The following CREM variants were observed in gnomAD, a reference collection of about 807,000 sequenced individuals.
CREM encodes cAMP responsive element modulator, also known as cAMP-responsive element modulator.
Under a neutral mutation model 37.3 loss-of-function variants are expected in CREM, and 13 were observed. That is an observed-to-expected ratio of 0.35 (90% CI 0.23 to 0.55). The LOEUF is 0.55. Among genes scored for constraint, CREM ranks in the 20% least tolerant of loss-of-function variants. The pLI, the probability that CREM is intolerant of heterozygous loss-of-function variation, is 0.88. For missense variants in CREM, 296 were observed against 362.3 expected (o/e 0.82, Z 1.49); for synonymous variants, 124 against 120.2 (o/e 1.03, Z -0.21).
At chr10:35,150,886 A>G (rs1438262000) in intron 3 of CREM, among the ~76,000 whole-genome samples, 2 of 140,356 alleles carry the variant, frequency 1.4e-5, no homozygotes, top group African/African-American at 5.4e-5. Context: ...TAGGTTTCTG[A>G]GGGCTTGAAA....
chr10:35,186,991 T>TAAA (rs2094598258), intron 5 of CREM, among the ~76,000 whole-genome samples: 7 of 89,012 alleles, frequency 7.9e-5, no homozygotes, highest in Non-Finnish European at 9.8e-5. Context: ...GTGATATATA[T>TAAA]TATATATTAT....
At chr10:35,151,223 C>T (rs1005301098) in intron 3 of CREM, among the ~76,000 whole-genome samples, 10 of 152,146 alleles carry the variant, frequency 6.6e-5, no homozygotes, top group African/African-American at 2.2e-4. Flanking sequence ...GTTTGTAATG[C>T]TTCTTTAAAA....
intron 3 of CREM, among the ~76,000 whole-genome samples, chr10:35,156,349 A>G (rs1268286350): frequency 2.0e-5 from 3 of 151,910 alleles, no homozygotes; most frequent in African/African-American, 4.8e-5. Context: ...CCTGGGCTCA[A>G]GTGATACTCC....
intron 2 of CREM, among the ~76,000 whole-genome samples, chr10:35,140,680 CAAAAG>C (rs1047615387): frequency 6.6e-6 from 1 of 152,104 alleles, no homozygotes; most frequent in African/African-American, 2.4e-5. Context: ...TTTGGGAACT[CAAAAG>C]AGAATAACTA....
intron 3 of CREM, among the ~76,000 whole-genome samples, chr10:35,165,602 G>A (rs779716532): frequency 7.2e-5 from 11 of 152,048 alleles, no homozygotes; most frequent in Admixed American, 1.3e-4. Flanking sequence ...ATTATGATCA[G>A]TTTCAGTCTT....
chr10:35,150,637 C>G (rs2092529920), intron 3 of CREM, among the ~76,000 whole-genome samples: 2 of 152,052 alleles, frequency 1.3e-5, no homozygotes, highest in Admixed American at 1.3e-4. Flanking sequence ...GCCTGGCCAA[C>G]ATGAAGAAAC....
intron 3 of CREM, among the ~76,000 whole-genome samples, chr10:35,163,974 CAA>C (rs758523194): frequency 1.8e-5 from 2 of 110,728 alleles, no homozygotes; most frequent in Admixed American, 9.5e-5. Context: ...GAACCTATCT[CAA>C]AAAAAAAAAA....
At chr10:35,134,383 C>T (rs2090063879) in intron 1 of CREM, among the ~76,000 whole-genome samples, 2 of 152,082 alleles carry the variant, frequency 1.3e-5, no homozygotes, top group African/African-American at 4.8e-5. Flanking sequence ...CGCCTGGCTA[C>T]TTTTTGTATT....
intron 6 of CREM, among the ~76,000 whole-genome samples, chr10:35,190,045 C>T (rs2094844370): frequency 6.6e-6 from 1 of 152,132 alleles, no homozygotes. Flanking sequence ...CTATTCCCCC[C>T]ATACTCATGG....
At chr10:35,185,265 G>T (rs940886833) in intron 5 of CREM, among the ~76,000 whole-genome samples, 19 of 152,034 alleles carry the variant, frequency 1.2e-4, no homozygotes, top group Non-Finnish European at 1.6e-4. Context: ...ACCACGCCTG[G>T]CTAATTTCTT....
At chr10:35,175,304 A>G (rs1018018943) in intron 3 of CREM, among the ~76,000 whole-genome samples, 10 of 152,150 alleles carry the variant, frequency 6.6e-5, no homozygotes, top group East Asian at 1.9e-4. Flanking sequence ...CAATTAGCTG[A>G]GCGTGGTGGC....
chr10:35,194,112 A>AAAAAAAAAAAAT (rs1306664939), intron 6 of CREM, among the ~76,000 whole-genome samples: 5 of 149,760 alleles, frequency 3.3e-5, no homozygotes, highest in Non-Finnish European at 3.0e-5. Context: ...AAAAAAAAAA[A>AAAAAAAAAAAAT]AAAAAAAAAA....
chr10:35,197,411 TTTTACTTTATTTA>T (rs894184564), intron 6 of CREM, among the ~76,000 whole-genome samples: 8 of 148,646 alleles, frequency 5.4e-5, no homozygotes, highest in African/African-American at 2.0e-4. Flanking sequence ...TTTTATTTCA[TTTTACTTTATTTA>T]TTTATTTATT....
intron 1 of CREM, 73 bp from the exon 2 acceptor site, chr10:35,137,709 A>T (rs2090782429): frequency 5.0e-6 from 3 of 600,338 alleles, no homozygotes; most frequent in Admixed American, 8.1e-5. Context: ...TTTAATTTAA[A>T]TAAAATTTAA....
At chr10:35,197,412 TTTAC>T (rs1242526591) in intron 6 of CREM, among the ~76,000 whole-genome samples, 2 of 147,364 alleles carry the variant, frequency 1.4e-5, no homozygotes, top group African/African-American at 4.9e-5. Context: ...TTTATTTCAT[TTTAC>T]TTTATTTATT....
chr10:35,176,396 C>CT (rs1054369045), intron 3 of CREM, among the ~76,000 whole-genome samples: 8 of 145,106 alleles, frequency 5.5e-5, no homozygotes, highest in South Asian at 2.2e-4. Context: ...ATGCTGTTTT[C>CT]TTTTTTTTTC....
intron 7 of CREM, among the ~76,000 whole-genome samples, chr10:35,208,888 A>T (rs1190143079): frequency 6.6e-6 from 1 of 152,256 alleles, no homozygotes; most frequent in Non-Finnish European, 1.5e-5. Flanking sequence ...AGAAATGCAG[A>T]TGATACCTGG....
Position 35,137,883 on chromosome 10 carries a change from G to GCT in CREM, c.44+4_44+5insCT. 2 of 1,581,810 alleles carry GCT rather than the reference G, an allele frequency of 1.3e-6. No individual in the cohort carries two copies. The highest frequency in any genetic ancestry group is 1.7e-6 in the Non-Finnish European group (2 of 1,163,994). ...AATATATTAAGACAAATCCAAGGTA[G>GCT]GTAGATGTACGTTTTTCTGTTCTTT... On this transcript the variant is annotated splice_donor_region_variant and intron_variant, in intron 2 of 7. Coordinates refer to ENST00000685392, the MANE Select transcript of CREM (RefSeq NM_183011.2).
In CREM at chr10:35,206,966, G is replaced by C; in HGVS notation, c.670G>C (p.Ala224Pro). 6.2e-7 allele frequency: 1 copy of C among 1,614,050 alleles called. No homozygotes were observed. The highest frequency in any genetic ancestry group is 8.5e-7 in the Non-Finnish European group (1 of 1,180,026). The change falls in exon 7 of 8, where the codon GCT becomes CCT. Residue 224 changes from alanine (A) to proline (P), a missense_variant. Physicochemically the swap from Ala to Pro is conservative, Grantham distance 27 (BLOSUM62 -1). This residue lies in a region of CREM where 257 missense variants were observed against 280.2 expected (regional missense o/e 0.92). Coordinates refer to ENST00000685392, the MANE Select transcript of CREM (RefSeq NM_183011.2). ...TGCTTTGCCACAGGGAGTGGTGATG[G>C]CTGCATCGCCCGGAAGTTTGCACAG... ...TAALPQGVVM[A>P]ASPGSLHSPQ...
Sources: allele counts gnomAD v4.1 joint callset (sites outside exome capture counted in the v4.1 genomes callset), GRCh38; gene constraint gnomAD v4.1.1; regional missense constraint gnomAD v4.1.1; transcripts MANE v1.5; gene names NCBI Gene and HGNC (gene_info 2026-07-23, HGNC 2026-07-21).